Variants in AHR observed in about 807,000 individuals in gnomAD.
AHR encodes the protein aryl hydrocarbon receptor.
In AHR, 40 loss-of-function variants were observed where a neutral mutation model predicts 86.8. The observed-to-expected ratio is 0.46, with a 90% CI of 0.36 to 0.60. The LOEUF (loss-of-function observed/expected upper bound fraction) is 0.60, where lower values mean the gene tolerates loss of function less well. Ranked by LOEUF, AHR falls within the 20% of genes least tolerant of loss-of-function variation. AHR has a pLI of 0.00. For missense variants in AHR, 1,001 were observed against 1,011.6 expected, an observed-to-expected ratio of 0.99 and a Z score of 0.14; for synonymous variants, 398 against 354.9, an observed-to-expected ratio of 1.12 and a Z score of -1.37.
chr7:17,323,175 G>A (rs945004549), intron 3 of AHR, among the ~76,000 whole-genome samples: 1 of 152,050 alleles, frequency 6.6e-6, no homozygotes, highest in Non-Finnish European at 1.5e-5. Context: ...TCTTCAAACA[G>A]CAAGAACTCC....
At position 17,339,690 on chromosome 7, in the gene AHR, A is replaced by T; in HGVS notation, c.1865A>T (p.Gln622Leu). 1 of 1,614,146 alleles carries T rather than the reference A, an allele frequency of 6.2e-7. No individual in the cohort carries two copies. The highest frequency in any genetic ancestry group is 1.3e-5 in the African/African-American group (1 of 75,070). ...CAGGAACACCTACATCTAGAACAGC[A>T]ACAGCAACATCACCAAAAGCAAGTA... ...MVQEHLHLEQ[Q>L]QQHHQKQVVV... The change falls in exon 10 of 11, where the codon CAA (glutamine) becomes CTA (leucine). Residue 622 changes from glutamine to leucine, a missense_variant. Physicochemically the swap from Gln to Leu is moderately radical, Grantham distance 113. This residue lies in a region of AHR where 607 missense variants were observed against 543.1 expected (regional missense o/e 1.12). Transcript: ENST00000242057.
chr7:17,310,933 G>C (rs1298554424), intron 2 of AHR, among the ~76,000 whole-genome samples: 1 of 152,154 alleles, frequency 6.6e-6, no homozygotes, highest in African/African-American at 2.4e-5. Context: ...AGAGTCAATA[G>C]AATTTGATTT....
chr7:17,332,002 C>G (rs924756592), intron 6 of AHR, among the ~76,000 whole-genome samples: 1 of 151,850 alleles, frequency 6.6e-6, no homozygotes, highest in African/African-American at 2.4e-5. Flanking sequence ...TGCTCATGAA[C>G]AATTAGTATG....
intron 7 of AHR, 93 bp from the exon 8 acceptor site, chr7:17,334,794 G>A: frequency 3.6e-6 from 3 of 840,562 alleles, no homozygotes; most frequent in Middle Eastern, 5.0e-4. Context: ...ACATATTGCA[G>A]AAACTAGCGT....
At chr7:17,321,868 T>A (rs1227413305) in intron 2 of AHR, among the ~76,000 whole-genome samples, 1 of 152,054 alleles carries the variant, frequency 6.6e-6, no homozygotes, top group African/African-American at 2.4e-5. Flanking sequence ...AAGAAATGTA[T>A]GTTCTTGGAT....
intron 9 of AHR, among the ~76,000 whole-genome samples, chr7:17,337,016 G>C (rs531715713): frequency 6.6e-6 from 1 of 151,838 alleles, no homozygotes; most frequent in African/African-American, 2.4e-5. Context: ...TTTAAGTACA[G>C]CATTACAACC....
In AHR at chr7:17,334,923, G is replaced by A. The variant is rs758945560; in HGVS notation, c.945G>A (p.Leu315=). ...RIVLGYTEAE[L]CTRGSGYQFI... ...TTTTAGGATATACTGAAGCAGAGCTGTGCACGAGAGGCTCAGGTTATCAGT... is the reference window on the plus strand; with the variant it reads ...TTTTAGGATATACTGAAGCAGAGCTATGCACGAGAGGCTCAGGTTATCAGT... The change falls in exon 8 of 11, where the codon CTG becomes CTA. Residue 315 remains leucine, a synonymous_variant. Coordinates refer to ENST00000242057, the MANE Select transcript of AHR (RefSeq NM_001621.5). 16 of 1,613,228 alleles carry A rather than the reference G, an allele frequency of 9.9e-6. No individual in the cohort carries two copies. The highest frequency in any genetic ancestry group is 1.7e-5 in the Admixed American group (1 of 59,966).
intron 10 of AHR, among the ~76,000 whole-genome samples, chr7:17,342,178 C>T (rs1782433313): frequency 6.6e-6 from 1 of 152,060 alleles, no homozygotes; most frequent in Non-Finnish European, 1.5e-5. Flanking sequence ...CCAGAACGTC[C>T]ACTAACTAAA....
rs887522229 is a variant in AHR at position 17,298,675 on chromosome 7, G to A, written c.-590G>A. The A allele has an allele frequency of 7.6e-6, 3 of 394,882 alleles. No homozygotes were observed. Among genetic ancestry groups the A allele is most frequent in the Non-Finnish European group, 1.3e-5 (3 of 224,156 alleles). The allele number at this position is 394,882 out of a possible 1,614,324, so 24.5% of individuals were successfully genotyped here. On this transcript the variant is annotated 5_prime_UTR_variant, in exon 1 of 11. Transcript: ENST00000242057. ...GCAGTGGCTGGGGAGTCCCGTCGAC[G>A]CTCTGTTCCGAGAGCGTGCCCCGGA... is the stretch of plus-strand genomic sequence containing the variant.
chr7:17,301,712 T>A (rs1182256761), intron 1 of AHR, among the ~76,000 whole-genome samples: 3 of 151,916 alleles, frequency 2.0e-5, no homozygotes, highest in Non-Finnish European at 4.4e-5. Context: ...ATTATCTTTA[T>A]TAGTAGGAAA....
At chr7:17,335,025 A>G in intron 8 of AHR, 29 bp downstream of exon 8, 1 of 1,533,394 alleles carries the variant, frequency 6.5e-7, no homozygotes, top group Non-Finnish European at 9.0e-7. Flanking sequence ...TGAACATGTC[A>G]GAAGAAAACG....
intron 2 of AHR, 119 bp downstream of exon 2, chr7:17,310,242 A>G: frequency 7.0e-6 from 7 of 1,000,008 alleles, no homozygotes; most frequent in African/African-American, 1.6e-5. Flanking sequence ...TTATTGCTGT[A>G]TAGTAAAATT....
chr7:17,302,219 A>C (rs1781962298), intron 1 of AHR, among the ~76,000 whole-genome samples: 1 of 152,056 alleles, frequency 6.6e-6, no homozygotes, highest in South Asian at 2.1e-4. Context: ...GGGGATCTAC[A>C]CTTTAAAATG....
At position 17,343,412 on chromosome 7, in the gene AHR, GT is replaced by G. The variant is rs1225389391; in HGVS notation, c.*349del. On this transcript the variant is annotated 3_prime_UTR_variant, in exon 11 of 11. Coordinates refer to ENST00000242057, the MANE Select transcript of AHR (RefSeq NM_001621.5). ...AATATTCTCTATTTGAATTATTTCT[GT>G]CACAGTAAAAATAAAATACTTTGAG... 5.3e-5 allele frequency: 11 copies of G among 206,022 alleles called. No individual in the cohort carries two copies. The highest frequency in any genetic ancestry group is 9.6e-5 in the Non-Finnish European group (10 of 104,520). The allele number at this position is 206,022 out of a possible 1,614,324, so 12.8% of individuals were successfully genotyped here. A position where few individuals can be genotyped will look rare whatever the true frequency, so the allele number is the denominator to read the frequency against.
At chr7:17,318,493 G>A (rs1028643829) in intron 2 of AHR, among the ~76,000 whole-genome samples, 12 of 152,102 alleles carry the variant, frequency 7.9e-5, no homozygotes, top group African/African-American at 2.4e-4. Flanking sequence ...TGAGGAAATA[G>A]TGGAAATATT....
At chr7:17,323,591 T>C (rs896194508) in intron 3 of AHR, among the ~76,000 whole-genome samples, 2 of 152,112 alleles carry the variant, frequency 1.3e-5, no homozygotes, top group African/African-American at 4.8e-5. Context: ...TCATTATCAG[T>C]TTCACCCACT....
In AHR at chr7:17,298,762, G is replaced by C. The variant is rs1317359614; in HGVS notation, c.-503G>C. 1 of 398,014 alleles carries C rather than the reference G, an allele frequency of 2.5e-6. No homozygotes were observed. The highest frequency in any genetic ancestry group is 4.4e-6 in the Non-Finnish European group (1 of 225,660). The allele number at this position is 398,014 out of a possible 1,614,324, so 24.7% of individuals were successfully genotyped here. ...CGGAAGCTGGGAGCAGCCGGGACTG[G>C]TGGCCCGCGCCCGAGCTCCGCAGGC... is the stretch of plus-strand genomic sequence containing the variant. On this transcript the variant is annotated 5_prime_UTR_variant, in exon 1 of 11. Transcript: ENST00000242057.
intron 10 of AHR, among the ~76,000 whole-genome samples, chr7:17,340,664 A>G (rs1202239263): frequency 6.6e-6 from 1 of 152,048 alleles, no homozygotes; most frequent in African/African-American, 2.4e-5. Flanking sequence ...ATTTTTTTAT[A>G]TATGTTTGAA....
At chr7:17,317,232 TTAA>T (rs1213257323) in intron 2 of AHR, among the ~76,000 whole-genome samples, 4 of 151,858 alleles carry the variant, frequency 2.6e-5, no homozygotes, top group Non-Finnish European at 5.9e-5. Context: ...TGGAAATTTG[TTAA>T]TAAACTGTTT....
Sources: allele counts gnomAD v4.1 joint callset (sites outside exome capture counted in the v4.1 genomes callset), GRCh38; gene constraint gnomAD v4.1.1; regional missense constraint gnomAD v4.1.1; transcripts MANE v1.5; gene names NCBI Gene and HGNC (gene_info 2026-07-23, HGNC 2026-07-21).